The following SLC16A1 variants were observed in gnomAD, a reference collection of about 807,000 sequenced individuals.
SLC16A1 encodes the protein monocarboxylate transporter 1.
In SLC16A1, 11 loss-of-function variants were observed where a neutral mutation model predicts 32.2. The observed-to-expected ratio is 0.34, with a 90% CI of 0.21 to 0.56. The LOEUF (loss-of-function observed/expected upper bound fraction) is 0.56. SLC16A1 is among the 20% of genes least tolerant of loss of function. SLC16A1 has a pLI of 0.87. For missense variants in SLC16A1, 435 were observed against 615.0 expected, an observed-to-expected ratio of 0.71 and a Z score of 3.10; for synonymous variants, 231 against 226.8, an observed-to-expected ratio of 1.02 and a Z score of -0.17.
chr1:112,943,644 C>G (rs892848269), intron 1 of SLC16A1, among the ~76,000 whole-genome samples: 1 of 151,644 alleles, frequency 6.6e-6, no homozygotes, highest in Non-Finnish European at 1.5e-5. Flanking sequence ...AAAAATTAGC[C>G]GGGCATGGTG....
At chr1:112,942,993 C>G (rs1649562096) in intron 1 of SLC16A1, among the ~76,000 whole-genome samples, 1 of 152,030 alleles carries the variant, frequency 6.6e-6, no homozygotes, top group Non-Finnish European at 1.5e-5. Context: ...CCTCTTTTGT[C>G]AATCTCAGCC....
At chr1:112,923,423 A>G (rs1429605199) in intron 2 of SLC16A1, 4 of 668,484 alleles carry the variant, frequency 6.0e-6, no homozygotes, top group South Asian at 3.2e-5. Context: ...TGCCGCCATC[A>G]TGTCCCGGCC....
intron 1 of SLC16A1, among the ~76,000 whole-genome samples, chr1:112,934,582 G>A (rs766739701): frequency 6.6e-6 from 1 of 152,124 alleles, no homozygotes; most frequent in Non-Finnish European, 1.5e-5. Context: ...AGTGACAAGG[G>A]GAATAAAATT....
At chr1:112,918,350 T>C (rs1432846614) in intron 3 of SLC16A1, among the ~76,000 whole-genome samples, 2 of 152,224 alleles carry the variant, frequency 1.3e-5, no homozygotes, top group South Asian at 4.1e-4. Context: ...GTGCCCAGTA[T>C]GTAGTAAGCA....
chr1:112,926,348 T>C (rs1648941541), intron 2 of SLC16A1, among the ~76,000 whole-genome samples: 1 of 152,176 alleles, frequency 6.6e-6, no homozygotes, highest in Admixed American at 6.5e-5. Flanking sequence ...CCCAGCACTT[T>C]GGGATGCTGA....
At chr1:112,914,815 A>ATAC (rs2101618851) in intron 4 of SLC16A1, among the ~76,000 whole-genome samples, 1 of 152,346 alleles carries the variant, frequency 6.6e-6, no homozygotes, top group South Asian at 2.1e-4. Context: ...TGCTACAAGG[A>ATAC]TACTGCTTTA....
At chr1:112,922,155 A>G in intron 2 of SLC16A1, 22 bp from the exon 3 acceptor site, 2 of 1,612,856 alleles carry the variant, frequency 1.2e-6, no homozygotes, top group Non-Finnish European at 8.5e-7. Flanking sequence ...CCAAAAATGT[A>G]GTAATATAAA....
chr1:112,924,107 G>T, intron 2 of SLC16A1: 1 of 1,344,994 alleles, frequency 7.4e-7, no homozygotes, highest in Non-Finnish European at 1.1e-6. Flanking sequence ...AGGCCCTGCA[G>T]GCCGCGTATG....
At position 112,929,082 on chromosome 1, in the gene SLC16A1, G is replaced by T; in HGVS notation, c.217+10C>A. On this transcript the variant is annotated intron_variant, in intron 2 of 4. Coordinates refer to ENST00000369626, the MANE Select transcript of SLC16A1 (RefSeq NM_003051.4). ...GAAAATTAAAAGAGCAGGCCTTAAT[G>T]GGTACTTACCTCCACCATACATGAC... 6.2e-7 allele frequency: 1 copy of T among 1,602,404 alleles called. No individual in the cohort carries two copies. Among genetic ancestry groups the T allele is most frequent in the South Asian group, 1.1e-5 (1 of 90,744 alleles).
intron 1 of SLC16A1, among the ~76,000 whole-genome samples, chr1:112,932,407 T>A (rs1649163318): frequency 6.6e-6 from 1 of 151,858 alleles, no homozygotes. Flanking sequence ...GTGGTACACA[T>A]CTGTAGTCCT....
At chr1:112,928,818 A>G (rs1215404498) in intron 2 of SLC16A1, among the ~76,000 whole-genome samples, 1 of 152,220 alleles carries the variant, frequency 6.6e-6, no homozygotes, top group Non-Finnish European at 1.5e-5. Context: ...CATCATTTTT[A>G]TAACAGTCTT....
intron 1 of SLC16A1, among the ~76,000 whole-genome samples, chr1:112,945,397 G>A (rs1447957860): frequency 4.0e-5 from 6 of 151,876 alleles, no homozygotes; most frequent in Non-Finnish European, 7.4e-5. Flanking sequence ...ACTGTTGGCC[G>A]GGCATGGTGG....
At chr1:112,931,082 C>A (rs2101635269) in intron 1 of SLC16A1, among the ~76,000 whole-genome samples, 1 of 152,160 alleles carries the variant, frequency 6.6e-6, no homozygotes, top group Admixed American at 6.5e-5. Flanking sequence ...TATATTCTTC[C>A]ATACTCTTTT....
At chr1:112,933,096 T>G (rs531787365) in intron 1 of SLC16A1, among the ~76,000 whole-genome samples, 2 of 152,274 alleles carry the variant, frequency 1.3e-5, no homozygotes, top group South Asian at 4.1e-4. Context: ...GAAGTTAAAA[T>G]AGATAACCTA....
chr1:112,953,477 T>C, intron 1 of SLC16A1, among the ~76,000 whole-genome samples: 1 of 152,214 alleles, frequency 6.6e-6, no homozygotes, highest in East Asian at 1.9e-4. Flanking sequence ...TCAACTGCTT[T>C]CAATCAGCTT....
chr1:112,914,093 C>G lies in SLC16A1; in HGVS notation c.1301G>C (p.Gly434Ala). The change falls in exon 5 of 5, where the codon GGT (glycine) becomes GCT (alanine). Residue 434 changes from glycine (G) to alanine (A), a missense_variant. Transcript: ENST00000369626. ...WACGVVLIIS[G>A]IYLFIGMGIN... The stretch of plus-strand genomic sequence containing the variant: ...GCCCATGCCAATGAAGAGATAGATA[C>G]CTGAAATAATTAGGACGACGCCACA... The G allele has an allele frequency of 6.2e-7, 1 of 1,614,144 alleles. No individual in the cohort carries two copies. The highest frequency in any genetic ancestry group is 8.5e-7 in the Non-Finnish European group (1 of 1,180,026).
intron 1 of SLC16A1, among the ~76,000 whole-genome samples, chr1:112,953,340 T>G: frequency 6.6e-6 from 1 of 152,042 alleles, no homozygotes; most frequent in East Asian, 1.9e-4. Flanking sequence ...TTTTTGTATT[T>G]TTAATAGAGA....
At chr1:112,940,389 TGAGA>T (rs200668239) in intron 1 of SLC16A1, among the ~76,000 whole-genome samples, 2 of 152,220 alleles carry the variant, frequency 1.3e-5, no homozygotes, top group South Asian at 2.1e-4. Context: ...ACCTCAATCG[TGAGA>T]GAGTCTTGAG....
rs1014668931 is a variant in SLC16A1, at chr1:112,913,769, T to A, written c.*122A>T. ...AAAAATCCCATCAATGAACAACTGG[T>A]ATGATTTCCACACAAATGTCTACTA... On this transcript the variant is annotated 3_prime_UTR_variant, in exon 5 of 5. Transcript: ENST00000369626. 1 of 1,225,664 alleles carries A rather than the reference T, an allele frequency of 8.2e-7. No individual in the cohort carries two copies. The allele number at this position is 1,225,664 out of a possible 1,614,324, so 75.9% of individuals were successfully genotyped here.
Sources: gnomAD v4.1 joint callset for allele counts (sites outside exome capture counted in the v4.1 genomes callset) on GRCh38, gnomAD v4.1.1 for gene constraint, MANE v1.5 for transcripts, NCBI Gene and HGNC (gene_info 2026-07-23, HGNC 2026-07-21) for gene names.